Variants in MGAT4C observed in about 807,000 individuals in gnomAD.
MGAT4C encodes alpha-1,3-mannosyl-glycoprotein 4-beta-N-acetylglucosaminyltransferase C.
Under a neutral mutation model 40.1 loss-of-function variants are expected in MGAT4C, and 19 were observed. The ratio of observed to expected loss-of-function variants is 0.47; its 90% CI spans 0.33 to 0.70. The LOEUF is 0.70. Ranked by LOEUF, MGAT4C falls within the 30% of genes least tolerant of loss-of-function variation. The pLI is 0.02. For synonymous variants in MGAT4C, 181 were observed against 187.1 expected (o/e 0.97, Z 0.27); for missense variants, 491 against 563.2 (o/e 0.87, Z 1.30).
intron 1 of MGAT4C, among the ~76,000 whole-genome samples, chr12:86,109,737 T>A (rs1296832742): frequency 6.6e-6 from 1 of 151,986 alleles, no homozygotes; most frequent in African/African-American, 2.4e-5. Context: ...TAGTCACACA[T>A]TTTTTTAAAA....
chr12:86,073,850 A>G (rs1592856532), intron 1 of MGAT4C, among the ~76,000 whole-genome samples: 1 of 152,146 alleles, frequency 6.6e-6, no homozygotes, highest in African/African-American at 2.4e-5. Flanking sequence ...TTTTGGGCTA[A>G]TGCTGAAATG....
chr12:86,620,877 TC>T (rs1010576799), intron 2 of MGAT4C, among the ~76,000 whole-genome samples: 1 of 152,128 alleles, frequency 6.6e-6, no homozygotes, highest in Non-Finnish European at 1.5e-5. Flanking sequence ...TTCCTCCTGC[TC>T]CCACCATGTA....
At chr12:86,041,172 C>T (rs554584376) in intron 2 of MGAT4C, among the ~76,000 whole-genome samples, 1 of 152,016 alleles carries the variant, frequency 6.6e-6, no homozygotes, top group African/African-American at 2.4e-5. Context: ...GTGGTAATGT[C>T]CCATTTACCA....
intron 2 of MGAT4C, among the ~76,000 whole-genome samples, chr12:86,490,382 T>G (rs1272617695): frequency 1.3e-5 from 2 of 152,012 alleles, no homozygotes; most frequent in Non-Finnish European, 2.9e-5. Flanking sequence ...CTGAGAGATT[T>G]TGCCACCACC....
At chr12:86,127,237 G>T (rs1386470426) in intron 1 of MGAT4C, among the ~76,000 whole-genome samples, 2 of 152,188 alleles carry the variant, frequency 1.3e-5, no homozygotes, top group African/African-American at 4.8e-5. Flanking sequence ...AACCTGTACA[G>T]TATGTTACTG....
At chr12:86,258,846 G>T (rs1952596370), upstream of MGAT4C, among the ~76,000 whole-genome samples, 1 of 151,710 alleles carries the variant, frequency 6.6e-6, no homozygotes, top group African/African-American at 2.4e-5. Flanking sequence ...TTAATTCCTA[G>T]GAAAATTGAT....
intron 2 of MGAT4C, among the ~76,000 whole-genome samples, chr12:86,516,765 T>G (rs1958696472): frequency 6.6e-6 from 1 of 152,122 alleles, no homozygotes; most frequent in African/African-American, 2.4e-5. Flanking sequence ...TAATCAAAAA[T>G]CACATGAAAA....
chr12:86,087,342 T>A lies in MGAT4C; in HGVS notation c.-56-37619A>T, dbSNP rs180723301. Among the ~76,000 whole-genome samples, 21 of 152,228 alleles carry A rather than the reference T, an allele frequency of 1.4e-4. No individual in the cohort carries two copies. In the East Asian group the frequency reaches 3.5e-3, roughly 25 times the overall value. The stretch of plus-strand genomic sequence containing the variant: ...TTCTCATTTCAGTTATTTTGTTGCT[T>A]CTGTAAAATATTCTTGGATTTCTTT... On this transcript the variant is annotated intron_variant, in intron 1 of 4. Transcript: ENST00000611864.
At chr12:86,541,730 A>C (rs1032597055) in intron 2 of MGAT4C, among the ~76,000 whole-genome samples, 1 of 152,210 alleles carries the variant, frequency 6.6e-6, no homozygotes, top group African/African-American at 2.4e-5. Context: ...ACTTTTATTC[A>C]TTTTTAATGA....
At chr12:86,084,775 A>G (rs1871434291) in intron 1 of MGAT4C, among the ~76,000 whole-genome samples, 1 of 151,636 alleles carries the variant, frequency 6.6e-6, no homozygotes, top group African/African-American at 2.4e-5. Flanking sequence ...GTTTGAGCAG[A>G]TGACTGAATG....
chr12:86,356,228 A>G (rs1198647827), intron 3 of MGAT4C, among the ~76,000 whole-genome samples: 1 of 152,160 alleles, frequency 6.6e-6, no homozygotes, highest in African/African-American at 2.4e-5. Flanking sequence ...CAACACCAAA[A>G]CTGACAACAC....
At chr12:86,082,115 G>A (rs1236320988) in intron 1 of MGAT4C, among the ~76,000 whole-genome samples, 1 of 152,112 alleles carries the variant, frequency 6.6e-6, no homozygotes, top group East Asian at 1.9e-4. Context: ...CACTTCATAA[G>A]AATCCCCTTT....
At chr12:86,344,717 G>GGTGTGTGTGTGT (rs71076188) in intron 3 of MGAT4C, among the ~76,000 whole-genome samples, 60 of 139,522 alleles carry the variant, frequency 4.3e-4, no homozygotes, top group African/African-American at 1.5e-3. Flanking sequence ...ATCTCTTCTC[G>GGTGTGTGTGTGT]GTGTGTGTGT....
intron 3 of MGAT4C, among the ~76,000 whole-genome samples, chr12:86,347,991 C>A (rs1487859850): frequency 6.6e-6 from 1 of 152,110 alleles, no homozygotes; most frequent in Non-Finnish European, 1.5e-5. Context: ...AATTAATAAA[C>A]ATTTCCATTA....
chr12:86,529,480 G>A (rs1565828506), intron 2 of MGAT4C, among the ~76,000 whole-genome samples: 1 of 151,922 alleles, frequency 6.6e-6, no homozygotes, highest in South Asian at 2.1e-4. Context: ...ACTTGCTTCA[G>A]TGGCAGGCAA....
intron 3 of MGAT4C, among the ~76,000 whole-genome samples, chr12:86,371,589 C>A (rs1450344650): frequency 6.6e-6 from 1 of 151,874 alleles, no homozygotes; most frequent in African/African-American, 2.4e-5. Flanking sequence ...AAAATATGTT[C>A]CTGTTTATAA....
chr12:86,388,885 T>C (rs529959682), intron 3 of MGAT4C, among the ~76,000 whole-genome samples: 4 of 152,064 alleles, frequency 2.6e-5, no homozygotes, highest in Admixed American at 2.0e-4. Flanking sequence ...GGTTTCACCA[T>C]GTTGGCCAGG....
At chr12:86,331,042 G>A (rs546959932) in intron 4 of MGAT4C, among the ~76,000 whole-genome samples, 1 of 152,210 alleles carries the variant, frequency 6.6e-6, no homozygotes, top group East Asian at 1.9e-4. Flanking sequence ...ATTCGACCTG[G>A]GGCAAAAGGC....
At chr12:86,328,574 A>G (rs1359836138) in intron 4 of MGAT4C, among the ~76,000 whole-genome samples, 2 of 152,194 alleles carry the variant, frequency 1.3e-5, no homozygotes, top group African/African-American at 4.8e-5. Flanking sequence ...AATAGCACCA[A>G]GAAACATCAA....
Sources: gnomAD v4.1 joint callset for allele counts (sites outside exome capture counted in the v4.1 genomes callset) on GRCh38, gnomAD v4.1.1 for gene constraint, MANE v1.5 for transcripts, NCBI Gene and HGNC (gene_info 2026-07-23, HGNC 2026-07-21) for gene names.